The following AUH variants were observed in gnomAD, a reference collection of about 807,000 sequenced individuals.
The protein encoded by AUH is methylglutaconyl-CoA hydratase, mitochondrial.
A neutral mutation model predicts 42.3 loss-of-function variants in AUH; 29 were observed. The ratio of observed to expected loss-of-function variants is 0.69; its 90% CI spans 0.51 to 0.93. The LOEUF (loss-of-function observed/expected upper bound fraction) is 0.93. AUH is among the 40% of genes least tolerant of loss of function. The pLI, the probability that AUH is intolerant of heterozygous loss-of-function variation, is 0.00. For synonymous variants in AUH, 174 were observed against 166.4 expected, an observed-to-expected ratio of 1.05 and a Z score of -0.35; for missense variants, 452 against 438.1, an observed-to-expected ratio of 1.03 and a Z score of -0.28.
intron 4 of AUH, among the ~76,000 whole-genome samples, chr9:91,318,730 T>G (rs1829347669): frequency 1.3e-5 from 2 of 152,214 alleles, no homozygotes; most frequent in African/African-American, 4.8e-5. Flanking sequence ...TAATTCAGGA[T>G]AAGCCATAGG....
chr9:91,276,128 G>GA (rs893999073), intron 6 of AUH, among the ~76,000 whole-genome samples: 40 of 150,710 alleles, frequency 2.7e-4, no homozygotes, highest in Non-Finnish European at 4.9e-4. Flanking sequence ...TTCAAAATTT[G>GA]AAAAAAAAAT....
At chr9:91,323,420 C>A (rs1369968726) in intron 4 of AUH, among the ~76,000 whole-genome samples, 3 of 152,088 alleles carry the variant, frequency 2.0e-5, no homozygotes, top group African/African-American at 7.2e-5. Context: ...GTCAAGAGAT[C>A]AAGACCATCC....
At chr9:91,356,301 A>G (rs1277958095) in intron 1 of AUH, 146 bp from the exon 2 acceptor site, 1 of 725,468 alleles carries the variant, frequency 1.4e-6, no homozygotes, top group African/African-American at 1.8e-5. Flanking sequence ...TCTCTTCTTA[A>G]GCACCAAGAT....
intron 3 of AUH, among the ~76,000 whole-genome samples, chr9:91,329,164 A>G (rs1178222081): frequency 6.6e-6 from 1 of 152,058 alleles, no homozygotes; most frequent in Non-Finnish European, 1.5e-5. Context: ...TATCATTCCT[A>G]CTTTTTGGCT....
intron 6 of AUH, among the ~76,000 whole-genome samples, chr9:91,276,824 A>G (rs2387846): frequency 4.7e-4 from 72 of 152,338 alleles, no homozygotes; most frequent in Non-Finnish European, 9.0e-4. Context: ...CTGGAAGACA[A>G]TGGGTTTATA....
intron 6 of AUH, among the ~76,000 whole-genome samples, chr9:91,279,243 A>G (rs551229252): frequency 6.6e-6 from 1 of 152,332 alleles, no homozygotes; most frequent in East Asian, 1.9e-4. Context: ...CTTTACATGT[A>G]TTATCCTAGT....
intron 6 of AUH, among the ~76,000 whole-genome samples, chr9:91,247,066 A>C (rs1828837703): frequency 6.6e-6 from 1 of 151,976 alleles, no homozygotes; most frequent in Non-Finnish European, 1.5e-5. Flanking sequence ...CTCACACTCA[A>C]TTCCCTTCCA....
At chr9:91,226,094 T>A (rs1173776867) in intron 6 of AUH, among the ~76,000 whole-genome samples, 2 of 148,168 alleles carry the variant, frequency 1.3e-5, no homozygotes, top group Non-Finnish European at 3.0e-5. Flanking sequence ...TCAAATGGTA[T>A]TTCTAGTTCT....
Position 91,361,480 on chromosome 9 carries a change from T to C in AUH, c.262+148A>G, listed in dbSNP as rs139488988. 1.7e-4 allele frequency: 191 copies of C among 1,098,656 alleles called. 1 individual carries two copies. The African/African-American group carries it at 2.9e-3, about 17-fold the overall frequency. 68.1% of individuals were successfully genotyped at this position (1,098,656 alleles called of 1,614,324 possible). On this transcript the variant is annotated intron_variant, in intron 1 of 9. Coordinates refer to ENST00000375731, the MANE Select transcript of AUH (RefSeq NM_001698.3). Reference sequence around the variant, plus strand: ...CAAGGAAGCGGCCACGCTGGGTGAGTAGGGAGGTGAGAAAGGGGAGGGACC... The same window carrying C: ...CAAGGAAGCGGCCACGCTGGGTGAGCAGGGAGGTGAGAAAGGGGAGGGACC...
chr9:91,239,048 C>T (rs185407669), intron 6 of AUH, among the ~76,000 whole-genome samples: 22 of 152,260 alleles, frequency 1.4e-4, no homozygotes, highest in Non-Finnish European at 1.6e-4. Context: ...TGACATTTCA[C>T]ATTCAATTAC....
Position 91,264,817 on chromosome 9 carries a change from G to C in AUH, c.655+31204C>G, listed in dbSNP as rs564549227. 7.9e-5 allele frequency among the ~76,000 whole-genome samples: 12 copies of C among 152,280 alleles called. No individual in the cohort carries two copies. In the South Asian group the frequency reaches 2.5e-3, roughly 32 times the overall value. On this transcript the variant is annotated intron_variant, in intron 6 of 9. Transcript: ENST00000375731. The stretch of plus-strand genomic sequence containing the variant: ...TTCTAGGCCTTGCACATCTGAAAAT[G>C]TCTTAACTTTGCTATCTTATATCTA...
intron 6 of AUH, among the ~76,000 whole-genome samples, chr9:91,245,135 G>C (rs1297971891): frequency 6.6e-6 from 1 of 152,188 alleles, no homozygotes; most frequent in Admixed American, 6.5e-5. Flanking sequence ...TGACACAGTT[G>C]CATGGCACAA....
chr9:91,361,794 C>A lies in AUH; in HGVS notation c.96G>T (p.Pro32=). The change falls in exon 1 of 10, where the codon CCG becomes CCT. Residue 32 remains proline, a synonymous_variant. Transcript: ENST00000375731. ...CCAACGAGCCGGGCAGCCTCAACCC[C>A]GGGCAGAGCCACGCACTGCAAGCGG... ...LVAACSAWLC[P]GLRLPGSLAG... is the part of the protein sequence containing the mutation. The A allele has an allele frequency of 1.3e-6, 2 of 1,538,922 alleles. No individual in the cohort carries two copies. Among genetic ancestry groups the A allele is most frequent in the African/African-American group, 2.8e-5 (2 of 71,726 alleles).
chr9:91,302,525 G>A (rs1186034061), intron 4 of AUH, among the ~76,000 whole-genome samples: 1 of 152,190 alleles, frequency 6.6e-6, no homozygotes, highest in Non-Finnish European at 1.5e-5. Flanking sequence ...GGAAGTGGAA[G>A]TTGCAGTGAG....
intron 6 of AUH, among the ~76,000 whole-genome samples, chr9:91,232,208 G>C (rs749692288): frequency 3.3e-5 from 5 of 151,986 alleles, no homozygotes; most frequent in Non-Finnish European, 5.9e-5. Context: ...AACGTAACAA[G>C]ACTCTGTCTC....
chr9:91,216,354 T>TGAACAAG (rs1178887170), intron 8 of AUH, among the ~76,000 whole-genome samples: 2 of 152,052 alleles, frequency 1.3e-5, no homozygotes, highest in Admixed American at 6.5e-5. Flanking sequence ...GAGGCATGTC[T>TGAACAAG]GAACAAGGGG....
chr9:91,304,463 T>C (rs556065919), intron 4 of AUH, among the ~76,000 whole-genome samples: 1 of 152,336 alleles, frequency 6.6e-6, no homozygotes, highest in South Asian at 2.1e-4. Context: ...AGTAAGACCA[T>C]GAGTGGCAAC....
intron 3 of AUH, among the ~76,000 whole-genome samples, chr9:91,330,748 T>C (rs917045244): frequency 7.9e-5 from 12 of 152,200 alleles, no homozygotes; most frequent in African/African-American, 2.9e-4. Flanking sequence ...ACTGCACTAC[T>C]CCTAGACGAA....
chr9:91,324,049 A>G (rs973456382), intron 4 of AUH, among the ~76,000 whole-genome samples: 2 of 152,230 alleles, frequency 1.3e-5, no homozygotes, highest in Non-Finnish European at 2.9e-5. Flanking sequence ...CTAGATATTA[A>G]AAGTTTTAAA....
Sources: gnomAD v4.1 joint callset for allele counts (sites outside exome capture counted in the v4.1 genomes callset) on GRCh38, gnomAD v4.1.1 for gene constraint, MANE v1.5 for transcripts, NCBI Gene and HGNC (gene_info 2026-07-23, HGNC 2026-07-21) for gene names.